The following MCMDC2 variants were observed in gnomAD, a reference collection of about 807,000 sequenced individuals.
The protein encoded by MCMDC2 is minichromosome maintenance domain containing 2.
Under a neutral mutation model 75.8 loss-of-function variants are expected in MCMDC2, and 54 were observed. The ratio of observed to expected loss-of-function variants is 0.71; its 90% CI spans 0.57 to 0.89. The LOEUF is 0.89. Ranked by LOEUF, MCMDC2 falls within the 40% of genes least tolerant of loss-of-function variation. The pLI is 0.00. For synonymous variants in MCMDC2, 249 were observed against 274.6 expected, an observed-to-expected ratio of 0.91 and a Z score of 0.92; for missense variants, 656 against 780.4, an observed-to-expected ratio of 0.84 and a Z score of 1.90.
intron 14 of MCMDC2, among the ~76,000 whole-genome samples, chr8:66,915,712 G>A (rs1490354075): frequency 6.6e-6 from 1 of 151,838 alleles, no homozygotes; most frequent in Non-Finnish European, 1.5e-5. Flanking sequence ...ATAATTTAGG[G>A]ATCACCAGCA....
intron 12 of MCMDC2, among the ~76,000 whole-genome samples, chr8:66,897,216 G>A (rs1218096459): frequency 1.9e-4 from 29 of 152,004 alleles, no homozygotes; most frequent in Admixed American, 1.9e-3. Flanking sequence ...AGACCAGCCT[G>A]GCCAACACAG....
At chr8:66,918,618 C>T (rs1177198263) in intron 14 of MCMDC2, among the ~76,000 whole-genome samples, 1 of 152,160 alleles carries the variant, frequency 6.6e-6, no homozygotes, top group Non-Finnish European at 1.5e-5. Context: ...AGTACCTTTT[C>T]TCCCTACTCC....
chr8:66,896,028 G>T (rs1812335550), intron 10 of MCMDC2, 142 bp from the exon 11 acceptor site: 2 of 675,348 alleles, frequency 3.0e-6, no homozygotes, highest in Non-Finnish European at 4.7e-6. Flanking sequence ...TTAGAGCATT[G>T]TCTTGCAAAA....
intron 8 of MCMDC2, among the ~76,000 whole-genome samples, chr8:66,882,522 C>T (rs901472784): frequency 1.3e-5 from 2 of 152,068 alleles, no homozygotes; most frequent in African/African-American, 4.8e-5. Flanking sequence ...CTCACCACCA[C>T]GCCCAGCTAA....
At chr8:66,892,951 T>A (rs1812179895) in intron 10 of MCMDC2, among the ~76,000 whole-genome samples, 1 of 152,232 alleles carries the variant, frequency 6.6e-6, no homozygotes, top group Non-Finnish European at 1.5e-5. Flanking sequence ...TTCTACATTG[T>A]TGGATTTGAT....
At chr8:66,900,575 A>T (rs1292675188) in intron 12 of MCMDC2, among the ~76,000 whole-genome samples, 1 of 152,210 alleles carries the variant, frequency 6.6e-6, no homozygotes, top group Non-Finnish European at 1.5e-5. Flanking sequence ...AAAAACTAGA[A>T]AATAACTAGG....
intron 9 of MCMDC2, among the ~76,000 whole-genome samples, chr8:66,886,994 A>G (rs1811875585): frequency 6.6e-6 from 1 of 152,056 alleles, no homozygotes; most frequent in South Asian, 2.1e-4. Flanking sequence ...ACTCTTTTTC[A>G]TGTGCTTATT....
chr8:66,910,581 G>A (rs1041812072), intron 14 of MCMDC2, among the ~76,000 whole-genome samples: 2 of 152,142 alleles, frequency 1.3e-5, no homozygotes, highest in African/African-American at 4.8e-5. Flanking sequence ...AGGCTGAGGC[G>A]GGTGGATCAC....
chr8:66,896,424 C>A (rs1401157893), intron 11 of MCMDC2, 88 bp downstream of exon 11: 1 of 1,250,612 alleles, frequency 8.0e-7, no homozygotes. Flanking sequence ...TTGTTATTAA[C>A]CTGTTTCTAT....
intron 13 of MCMDC2, 76 bp from the exon 14 acceptor site, chr8:66,905,150 C>T (rs559979574): frequency 3.0e-4 from 356 of 1,169,150 alleles, no homozygotes; most frequent in Admixed American, 5.0e-4. Flanking sequence ...ATATATATCT[C>T]GATTTGTTCC....
intron 10 of MCMDC2, among the ~76,000 whole-genome samples, chr8:66,892,952 T>G (rs1812180021): frequency 6.6e-6 from 1 of 152,246 alleles, no homozygotes; most frequent in African/African-American, 2.4e-5. Context: ...TCTACATTGT[T>G]GGATTTGATA....
intron 14 of MCMDC2, among the ~76,000 whole-genome samples, chr8:66,917,187 A>T (rs757093612): frequency 2.0e-5 from 3 of 152,134 alleles, no homozygotes; most frequent in African/African-American, 4.8e-5. Context: ...AGGCACAAGG[A>T]AAGCAGTGTT....
chr8:66,891,247 G>A (rs532927441), intron 10 of MCMDC2, among the ~76,000 whole-genome samples, 177 bp downstream of exon 10: 2 of 152,210 alleles, frequency 1.3e-5, no homozygotes, highest in Non-Finnish European at 2.9e-5. Context: ...CAAATGCCCA[G>A]TTTTAGCCTT....
intron 13 of MCMDC2, among the ~76,000 whole-genome samples, chr8:66,904,747 C>T (rs1341797359): frequency 6.6e-6 from 1 of 152,100 alleles, no homozygotes; most frequent in East Asian, 1.9e-4. Context: ...CCAAAAGAGA[C>T]TGGAAAATGA....
chr8:66,874,003 T>C (rs1811149185), intron 1 of MCMDC2, 50 bp from the exon 2 acceptor site: 2 of 569,856 alleles, frequency 3.5e-6, no homozygotes, highest in Non-Finnish European at 5.6e-6. Context: ...TTTAATAATT[T>C]GTAAAGTCTT....
chr8:66,892,448 C>T (rs1166982181), intron 10 of MCMDC2, among the ~76,000 whole-genome samples: 2 of 152,218 alleles, frequency 1.3e-5, no homozygotes, highest in Admixed American at 6.5e-5. Context: ...ATGTGGACAA[C>T]TGGAGGGTGA....
intron 14 of MCMDC2, among the ~76,000 whole-genome samples, chr8:66,915,429 G>A (rs1429266507): frequency 1.3e-5 from 2 of 149,496 alleles, no homozygotes; most frequent in East Asian, 1.9e-4. Context: ...TCCAGCCTAG[G>A]TGACAAAGCC....
chr8:66,901,118 TA>T, intron 12 of MCMDC2, 87 bp from the exon 13 acceptor site: 2 of 956,316 alleles, frequency 2.1e-6, no homozygotes, highest in Non-Finnish European at 1.6e-6. Context: ...TGCAAACTTG[TA>T]AAAATAAAGT....
At position 66,891,076 on chromosome 8, in the gene MCMDC2, C is replaced by T; in HGVS notation, c.1279+6C>T. 6.3e-7 allele frequency: 1 copy of T among 1,587,570 alleles called. No individual in the cohort carries two copies. Among genetic ancestry groups the T allele is most frequent in the Non-Finnish European group, 8.5e-7 (1 of 1,172,188 alleles). On this transcript the variant is annotated splice_donor_region_variant and intron_variant, in intron 10 of 14. Coordinates refer to ENST00000422365, the MANE Select transcript of MCMDC2 (RefSeq NM_173518.5). ...ACTTGAACAGCTTCAAACAGGTAAACAATATTTTTTAAATTAATTTTCACC... is the reference window on the plus strand; with the variant it reads ...ACTTGAACAGCTTCAAACAGGTAAATAATATTTTTTAAATTAATTTTCACC...
Sources: gnomAD v4.1 joint callset for allele counts (sites outside exome capture counted in the v4.1 genomes callset) on GRCh38, gnomAD v4.1.1 for gene constraint, MANE v1.5 for transcripts, NCBI Gene and HGNC (gene_info 2026-07-23, HGNC 2026-07-21) for gene names.